Variants in DNAJB4 observed in about 807,000 individuals in gnomAD.
DNAJB4 encodes the protein DnaJ heat shock protein family (Hsp40) member B4.
Under a neutral mutation model 26.6 loss-of-function variants are expected in DNAJB4, and 10 were observed. That is an observed-to-expected ratio of 0.38 (90% CI 0.23 to 0.64). The LOEUF (loss-of-function observed/expected upper bound fraction) is 0.64, where lower values mean the gene tolerates loss of function less well. Among genes scored for constraint, DNAJB4 ranks in the 30% least tolerant of loss-of-function variants. The pLI is 0.58. For synonymous variants in DNAJB4, 136 were observed against 134.8 expected (o/e 1.01, Z -0.06); for missense variants, 328 against 408.2 (o/e 0.80, Z 1.69).
At chr1:77,986,332 C>T (rs556479059) in intron 1 of DNAJB4, among the ~76,000 whole-genome samples, 1 of 152,190 alleles carries the variant, frequency 6.6e-6, no homozygotes, top group African/African-American at 2.4e-5. Context: ...CTACTTATGG[C>T]CACAGCCTGC....
upstream of DNAJB4, chr1:78,004,220 C>G (rs1660261729): frequency 6.6e-6 from 1 of 152,240 alleles, no homozygotes; most frequent in African/African-American, 2.4e-5. Context: ...GGACCTCATT[C>G]AGTTTTAGTT....
chr1:77,983,379 G>T (rs547208887), intron 1 of DNAJB4, among the ~76,000 whole-genome samples: 4 of 152,122 alleles, frequency 2.6e-5, no homozygotes, highest in Non-Finnish European at 4.4e-5. Context: ...CAAGAGGCAT[G>T]CCTTCCTCTT....
Position 78,016,032 on chromosome 1 carries a change from A to G in DNAJB4, c.799A>G (p.Ile267Val), listed in dbSNP as rs151037066. 8.7e-5 allele frequency: 140 copies of G among 1,613,956 alleles called. No homozygotes were observed. The African/African-American group carries it at 1.3e-3, about 15-fold the overall frequency. Residue 267 changes from isoleucine (I) to valine (V), a missense_variant, in exon 3 of 3, where the codon ATT (isoleucine) becomes GTT (valine). By Grantham distance (29) the Ile-to-Val change is conservative. Transcript: ENST00000370763. Reference sequence around the variant, plus strand: ...ATTTTAGGCATTGTGTGGCTGCTCAATTAATGTACCAACACTGGATGGAAG... The same window carrying G: ...ATTTTAGGCATTGTGTGGCTGCTCAGTTAATGTACCAACACTGGATGGAAG... ...SLREALCGCS[I>V]NVPTLDGRNI...
At chr1:77,996,922 G>A (rs1169493808) in intron 1 of DNAJB4, among the ~76,000 whole-genome samples, 1 of 152,040 alleles carries the variant, frequency 6.6e-6, no homozygotes, top group African/African-American at 2.4e-5. Context: ...GCAACCTTGA[G>A]CTCCTGGTCT....
chr1:77,992,777 T>G (rs1659966118), intron 1 of DNAJB4: 1 of 152,184 alleles, frequency 6.6e-6, no homozygotes, highest in South Asian at 2.1e-4. Flanking sequence ...CAGGCTGGAA[T>G]GCAATGGTGC....
At chr1:77,987,928 A>T (rs1251371004) in intron 1 of DNAJB4, among the ~76,000 whole-genome samples, 2 of 148,030 alleles carry the variant, frequency 1.4e-5, no homozygotes, top group Non-Finnish European at 3.0e-5. Context: ...ATATGTACAT[A>T]TATATACATA....
intron 1 of DNAJB4, among the ~76,000 whole-genome samples, chr1:77,991,563 A>G (rs1270407226): frequency 6.7e-6 from 1 of 148,400 alleles, no homozygotes; most frequent in African/African-American, 2.5e-5. Context: ...CCTGGGCAAC[A>G]TAGTGCAACC....
In DNAJB4 at chr1:78,016,270, A is replaced by T. The variant is rs201576053; in HGVS notation, c.*23A>T. On this transcript the variant is annotated 3_prime_UTR_variant, in exon 3 of 3. Transcript: ENST00000370763. ...TAGAATGAAGAACTTTGTTACACAT[A>T]TTTTGATAAGGCACTGAAAATATAA... is the stretch of plus-strand genomic sequence containing the variant. The T allele has an allele frequency of 1.9e-6, 3 of 1,591,188 alleles. No individual in the cohort carries two copies. The African/African-American group carries it at 4.0e-5, about 21-fold the overall frequency.
intron 1 of DNAJB4, among the ~76,000 whole-genome samples, chr1:77,996,122 AAGTT>A (rs1660055409): frequency 6.6e-6 from 1 of 152,196 alleles, no homozygotes; most frequent in Admixed American, 6.5e-5. Flanking sequence ...CAGTTAGAAT[AAGTT>A]AGTTCTATAC....
At chr1:77,995,462 T>C (rs1161843362) in intron 1 of DNAJB4, among the ~76,000 whole-genome samples, 1 of 152,202 alleles carries the variant, frequency 6.6e-6, no homozygotes, top group Non-Finnish European at 1.5e-5. Context: ...ACAGTGTTTT[T>C]GGTTTTGAGA....
chr1:77,982,331 T>C (rs1358764916), intron 1 of DNAJB4, among the ~76,000 whole-genome samples: 1 of 152,238 alleles, frequency 6.6e-6, no homozygotes, highest in Non-Finnish European at 1.5e-5. Flanking sequence ...TCAAAACATT[T>C]ATTGTTTCTT....
intron 1 of DNAJB4, among the ~76,000 whole-genome samples, chr1:77,983,310 G>T (rs543332841): frequency 2.0e-5 from 3 of 152,236 alleles, no homozygotes; most frequent in Admixed American, 6.5e-5. Flanking sequence ...GTTTTATACC[G>T]AGACATTCCA....
Position 78,013,179 on chromosome 1 carries a change from A to G in DNAJB4, c.340A>G (p.Arg114Gly). The G allele has an allele frequency of 6.2e-7, 1 of 1,614,164 alleles. No homozygotes were observed. The highest frequency in any genetic ancestry group is 8.5e-7 in the Non-Finnish European group (1 of 1,180,036). The change falls in exon 2 of 3, where the codon AGA (arginine) becomes GGA (glycine). Residue 114 changes from arginine (R) to glycine (G), a missense_variant. Transcript: ENST00000370763. The part of the protein sequence containing the change: ...GSNPFEIFFG[R>G]RMGGGRDSEE... The stretch of plus-strand genomic sequence containing the variant: ...CAACCCCTTTGAAATTTTCTTTGGA[A>G]GACGAATGGGTGGTGGTAGAGATTC...
At position 78,013,367 on chromosome 1, in the gene DNAJB4, C is replaced by T. The variant is rs1386220894; in HGVS notation, c.528C>T (p.Thr176=). The change falls in exon 2 of 3, where the codon ACC becomes ACT. Residue 176 remains threonine, a synonymous_variant. Coordinates refer to ENST00000370763, the MANE Select transcript of DNAJB4 (RefSeq NM_007034.5). ...VSLEEIYSGC[T]KRMKISRKRL... ...TTGAAGAGATATATAGTGGTTGTACCAAACGGATGAAGATTTCTCGAAAAA... is the reference window on the plus strand; with the variant it reads ...TTGAAGAGATATATAGTGGTTGTACTAAACGGATGAAGATTTCTCGAAAAA... 6.2e-7 allele frequency: 1 copy of T among 1,613,934 alleles called. No homozygotes were observed. The highest frequency in any genetic ancestry group is 1.3e-5 in the African/African-American group (1 of 74,854).
At chr1:77,992,813 T>TC (rs1449645574) in intron 1 of DNAJB4, 1 of 152,118 alleles carries the variant, frequency 6.6e-6, no homozygotes, top group Non-Finnish European at 1.5e-5. Flanking sequence ...AACCTCTGCC[T>TC]CCCGGGTTCA....
At chr1:78,009,329 T>C (rs1467355748) in intron 1 of DNAJB4, among the ~76,000 whole-genome samples, 2 of 152,238 alleles carry the variant, frequency 1.3e-5, no homozygotes, top group Non-Finnish European at 2.9e-5. Flanking sequence ...GTTTCTTCTT[T>C]TGGAAACTTT....
chr1:78,001,232 C>T (rs544375839), upstream of DNAJB4, among the ~76,000 whole-genome samples: 110 of 151,534 alleles, frequency 7.3e-4, no homozygotes, highest in African/African-American at 2.6e-3. Context: ...CCCAGCTACT[C>T]GAGAGGCTGA....
intron 1 of DNAJB4, among the ~76,000 whole-genome samples, chr1:77,981,735 G>A (rs1010839352): frequency 2.0e-5 from 3 of 152,282 alleles, no homozygotes; most frequent in Non-Finnish European, 1.5e-5. Context: ...GAATATTTGG[G>A]GGGTTGCTAA....
intron 1 of DNAJB4, among the ~76,000 whole-genome samples, chr1:77,982,198 C>G (rs192946641): frequency 2.0e-5 from 3 of 152,246 alleles, no homozygotes; most frequent in Admixed American, 6.5e-5. Context: ...TAAATTGATC[C>G]TATACTTGTT....
Sources: allele counts gnomAD v4.1 joint callset (sites outside exome capture counted in the v4.1 genomes callset), GRCh38; gene constraint gnomAD v4.1.1; transcripts MANE v1.5; gene names NCBI Gene and HGNC (gene_info 2026-07-23, HGNC 2026-07-21).